CDH12: variants seen among roughly 807,000 people sequenced by gnomAD.
The protein encoded by CDH12 is cadherin 12.
CDH12 carries 41 observed loss-of-function variants against 74.1 expected under a neutral mutation model. That is an observed-to-expected ratio of 0.55 (90% CI 0.43 to 0.72). The LOEUF (loss-of-function observed/expected upper bound fraction) is 0.72, where lower values mean the gene tolerates loss of function less well. Among genes scored for constraint, CDH12 ranks in the 30% least tolerant of loss-of-function variants. The pLI is 0.00. For synonymous variants in CDH12, 399 were observed against 355.0 expected, an observed-to-expected ratio of 1.12 and a Z score of -1.39; for missense variants, 945 against 977.2, an observed-to-expected ratio of 0.97 and a Z score of 0.44.
chr5:22,223,703 T>C (rs1047838165), intron 3 of CDH12, among the ~76,000 whole-genome samples: 13 of 151,870 alleles, frequency 8.6e-5, no homozygotes, highest in Non-Finnish European at 1.9e-4. Flanking sequence ...TCTCAGAATA[T>C]TGGGGAGCAG....
intron 3 of CDH12, among the ~76,000 whole-genome samples, chr5:22,247,014 T>G (rs1752968876): frequency 6.6e-6 from 1 of 152,206 alleles, no homozygotes; most frequent in Non-Finnish European, 1.5e-5. Context: ...TCACCTCACT[T>G]ATGTAAATAC....
In CDH12 at chr5:22,711,026, G is replaced by T. The variant is rs138430878; in HGVS notation, c.-523+142032C>A. Among the ~76,000 whole-genome samples the T allele has an allele frequency of 2.0e-3, 297 of 152,104 alleles. 2 individuals are homozygous for T. The highest frequency in any genetic ancestry group is 6.9e-3 in the African/African-American group (288 of 41,524). On this transcript the variant is annotated intron_variant, in intron 1 of 14. Transcript: ENST00000382254. ...AGACTATTAATGCCTAGAATTAAGAGATTTCATCTTAAATTGTTATATTTA... is the reference window on the plus strand; with the variant it reads ...AGACTATTAATGCCTAGAATTAAGATATTTCATCTTAAATTGTTATATTTA...
chr5:22,706,973 T>C (rs1269846813), intron 1 of CDH12, among the ~76,000 whole-genome samples: 1 of 152,106 alleles, frequency 6.6e-6, no homozygotes, highest in African/African-American at 2.4e-5. Context: ...CAGAAATAAC[T>C]CCCACATCTA....
At chr5:21,866,731 A>G (rs1029108217) in intron 6 of CDH12, among the ~76,000 whole-genome samples, 1 of 152,212 alleles carries the variant, frequency 6.6e-6, no homozygotes, top group Admixed American at 6.5e-5. Flanking sequence ...TTTTCAGAGG[A>G]GAGATTCAAG....
At chr5:22,114,753 A>T (rs1340405942) in intron 4 of CDH12, among the ~76,000 whole-genome samples, 1 of 152,182 alleles carries the variant, frequency 6.6e-6, no homozygotes, top group Admixed American at 6.5e-5. Flanking sequence ...GTTATGTCAG[A>T]TAGTTTCTTC....
chr5:22,277,192 G>A (rs1226365105), intron 3 of CDH12, among the ~76,000 whole-genome samples: 2 of 152,240 alleles, frequency 1.3e-5, no homozygotes, highest in Non-Finnish European at 2.9e-5. Flanking sequence ...CAGCCATCAC[G>A]TCTTGCCAGA....
At chr5:22,800,463 C>G (rs780185) in intron 1 of CDH12, among the ~76,000 whole-genome samples, 7,037 of 152,078 alleles carry the variant, frequency 0.046, 544 homozygotes, top group African/African-American at 0.16. Flanking sequence ...ACCCGTTTAC[C>G]CACTAGTCCT....
intron 4 of CDH12, among the ~76,000 whole-genome samples, chr5:22,145,947 G>T (rs1026179872): frequency 4.6e-5 from 7 of 152,122 alleles, no homozygotes; most frequent in African/African-American, 1.4e-4. Context: ...GATCCATAAT[G>T]ATCGCCTATC....
At chr5:22,034,542 A>G (rs1256687839) in intron 5 of CDH12, among the ~76,000 whole-genome samples, 1 of 152,190 alleles carries the variant, frequency 6.6e-6, no homozygotes, top group Non-Finnish European at 1.5e-5. Flanking sequence ...CCAGCTGAAC[A>G]TTCCTGCTCT....
chr5:22,378,370 T>C (rs1741625990), intron 3 of CDH12, among the ~76,000 whole-genome samples: 1 of 152,146 alleles, frequency 6.6e-6, no homozygotes, highest in Non-Finnish European at 1.5e-5. Flanking sequence ...GCAGTTTTTT[T>C]TGGTTTGGTT....
At chr5:21,788,549 G>A (rs911938927) in intron 10 of CDH12, among the ~76,000 whole-genome samples, 2 of 152,048 alleles carry the variant, frequency 1.3e-5, no homozygotes, top group Non-Finnish European at 2.9e-5. Context: ...ATTTGTATTA[G>A]AAACTCTCAA....
Position 22,117,454 on chromosome 5 carries a change from T to C in CDH12, c.-186-38592A>G, listed in dbSNP as rs527706074. ...ATATAAATTATATATATATAATATA[T>C]ATATTATATATATAATATATATATT... On this transcript the variant is annotated intron_variant, in intron 4 of 14. Coordinates refer to ENST00000382254, the MANE Select transcript of CDH12 (RefSeq NM_004061.5). Among the ~76,000 whole-genome samples the C allele has an allele frequency of 1.0e-4, 8 of 79,432 alleles. No individual in the cohort carries two copies. The South Asian group carries it at 1.1e-3, about 10-fold the overall frequency. 52.1% of individuals were successfully genotyped at this position (79,432 alleles called of 152,430 possible). A position where few individuals can be genotyped will look rare whatever the true frequency, so the allele number is the denominator to read the frequency against.
intron 8 of CDH12, among the ~76,000 whole-genome samples, chr5:21,825,819 C>T (rs994667778): frequency 6.6e-6 from 1 of 152,200 alleles, no homozygotes; most frequent in African/African-American, 2.4e-5. Context: ...ACTCTACTAT[C>T]ATAGTTTCCT....
chr5:22,516,923 C>CA (rs1045334694), intron 1 of CDH12, among the ~76,000 whole-genome samples: 94 of 151,750 alleles, frequency 6.2e-4, no homozygotes, highest in African/African-American at 2.1e-3. Context: ...AATGAATGGA[C>CA]AAAAAATACC....
chr5:21,868,188 TA>T (rs1456613474), intron 6 of CDH12, among the ~76,000 whole-genome samples: 8 of 124,616 alleles, frequency 6.4e-5, no homozygotes, highest in Non-Finnish European at 1.1e-4. Context: ...CTTTCTTTTG[TA>T]AATTTCACCG....
intron 5 of CDH12, among the ~76,000 whole-genome samples, chr5:22,042,578 A>G (rs2150184669): frequency 1.3e-5 from 2 of 152,292 alleles, no homozygotes; most frequent in South Asian, 4.1e-4. Context: ...AAACCTATCA[A>G]GAATGAATCA....
intron 4 of CDH12, among the ~76,000 whole-genome samples, chr5:22,091,133 A>G (rs1244629863): frequency 6.6e-6 from 1 of 151,264 alleles, no homozygotes; most frequent in Non-Finnish European, 1.5e-5. Flanking sequence ...GTAGAAAAAA[A>G]TTTGTCTCAA....
chr5:22,812,401 A>G (rs1749195318), intron 1 of CDH12, among the ~76,000 whole-genome samples: 1 of 152,180 alleles, frequency 6.6e-6, no homozygotes, highest in African/African-American at 2.4e-5. Flanking sequence ...CTACTGTCCC[A>G]TTAGCTATCA....
At chr5:21,876,442 G>C (rs369614680) in intron 6 of CDH12, among the ~76,000 whole-genome samples, 2 of 151,924 alleles carry the variant, frequency 1.3e-5, no homozygotes, top group Non-Finnish European at 2.9e-5. Flanking sequence ...TATACTTTCC[G>C]GTTGCTTCAA....
Sources: allele counts gnomAD v4.1 joint callset (sites outside exome capture counted in the v4.1 genomes callset), GRCh38; gene constraint gnomAD v4.1.1; transcripts MANE v1.5; gene names NCBI Gene and HGNC (gene_info 2026-07-23, HGNC 2026-07-21).